Variants in KCNAB1 observed in about 807,000 individuals in gnomAD.
KCNAB1 encodes the protein potassium voltage-gated channel subfamily A regulatory beta subunit 1.
KCNAB1 carries 35 observed loss-of-function variants against 64.6 expected under a neutral mutation model. That is an observed-to-expected ratio of 0.54 (90% CI 0.41 to 0.72). The LOEUF (loss-of-function observed/expected upper bound fraction) is 0.72, where lower values mean the gene tolerates loss of function less well. KCNAB1 is among the 30% of genes least tolerant of loss of function. KCNAB1 has a pLI of 0.00. For missense variants in KCNAB1, 401 were observed against 512.9 expected, an observed-to-expected ratio of 0.78 and a Z score of 2.11; for synonymous variants, 177 against 183.8, an observed-to-expected ratio of 0.96 and a Z score of 0.30.
At chr3:156,205,576 A>T (rs955280940) in intron 1 of KCNAB1, among the ~76,000 whole-genome samples, 39 of 152,122 alleles carry the variant, frequency 2.6e-4, no homozygotes, top group African/African-American at 9.4e-4. Context: ...TCTCCCCTAT[A>T]CATTGGTTGT....
chr3:156,356,933 T>G (rs1273065592), intron 1 of KCNAB1, among the ~76,000 whole-genome samples: 1 of 152,230 alleles, frequency 6.6e-6, no homozygotes, highest in African/African-American at 2.4e-5. Flanking sequence ...GCTCTGTCTT[T>G]CCAGAGTTAC....
At chr3:156,404,820 A>G (rs980933331) in intron 1 of KCNAB1, among the ~76,000 whole-genome samples, 2 of 152,158 alleles carry the variant, frequency 1.3e-5, no homozygotes, top group African/African-American at 4.8e-5. Flanking sequence ...TGGGAGTAGG[A>G]AGGAAGGAGC....
chr3:156,266,318 G>A (rs1489244806), intron 1 of KCNAB1, among the ~76,000 whole-genome samples: 1 of 152,144 alleles, frequency 6.6e-6, no homozygotes, highest in Non-Finnish European at 1.5e-5. Context: ...GCAAAAAACT[G>A]GGGACACACT....
intron 1 of KCNAB1, chr3:156,382,197 T>A (rs75974003): frequency 2.5e-4 from 38 of 152,284 alleles, no homozygotes; most frequent in African/African-American, 8.2e-4. Context: ...AGAACCTGCA[T>A]TTTCAGGCTG....
intron 2 of KCNAB1, among the ~76,000 whole-genome samples, chr3:156,433,585 G>A (rs1489254307): frequency 6.6e-6 from 1 of 152,174 alleles, no homozygotes; most frequent in Non-Finnish European, 1.5e-5. Context: ...GAAGTAGAGA[G>A]GCAGAGAGAT....
intron 1 of KCNAB1, among the ~76,000 whole-genome samples, chr3:156,282,411 G>A (rs1210952323): frequency 7.0e-6 from 1 of 142,844 alleles, no homozygotes. Flanking sequence ...TGGAATAGGT[G>A]TGGTGTGGTG....
chr3:156,277,475 A>G (rs1331748472), intron 1 of KCNAB1, among the ~76,000 whole-genome samples: 1 of 152,200 alleles, frequency 6.6e-6, no homozygotes, highest in Non-Finnish European at 1.5e-5. Flanking sequence ...AGCAAAACAC[A>G]TTAAGATGAG....
At chr3:156,218,246 G>T (rs1242280866) in intron 1 of KCNAB1, among the ~76,000 whole-genome samples, 2 of 152,092 alleles carry the variant, frequency 1.3e-5, no homozygotes, top group African/African-American at 4.8e-5. Context: ...CTGGTGACCC[G>T]TATGACTCAG....
chr3:156,292,006 G>A (rs753866599), intron 1 of KCNAB1: 1 of 1,614,176 alleles, frequency 6.2e-7, no homozygotes, highest in South Asian at 1.1e-5. Flanking sequence ...CCAATGTGGT[G>A]AACGCAGCCC....
intron 8 of KCNAB1, among the ~76,000 whole-genome samples, chr3:156,488,302 AAAAAAAAG>A (rs1460923791): frequency 6.6e-6 from 1 of 151,848 alleles, no homozygotes; most frequent in Non-Finnish European, 1.5e-5. Context: ...CTATAAAAAA[AAAAAAAAG>A]AAAAACTAAA....
At chr3:156,283,797 G>A (rs1405446649) in intron 1 of KCNAB1, among the ~76,000 whole-genome samples, 1 of 152,068 alleles carries the variant, frequency 6.6e-6, no homozygotes, top group Non-Finnish European at 1.5e-5. Context: ...TAGTTCTGGA[G>A]CCTTGGTTTT....
chr3:156,349,500 T>A (rs1485986708), intron 1 of KCNAB1, among the ~76,000 whole-genome samples: 1 of 152,242 alleles, frequency 6.6e-6, no homozygotes, highest in African/African-American at 2.4e-5. Flanking sequence ...TCTACTTTTC[T>A]ATTTTTCTTT....
intron 1 of KCNAB1, among the ~76,000 whole-genome samples, chr3:156,183,568 C>A (rs969215214): frequency 2.0e-5 from 3 of 152,186 alleles, no homozygotes; most frequent in African/African-American, 7.2e-5. Flanking sequence ...GCTCAGCTGT[C>A]CCTAGCAGCT....
chr3:156,262,611 C>T (rs1166156257), intron 1 of KCNAB1, among the ~76,000 whole-genome samples: 3 of 151,788 alleles, frequency 2.0e-5, no homozygotes, highest in Non-Finnish European at 3.0e-5. Flanking sequence ...CATTTATGTT[C>T]ATGAGTGATA....
chr3:156,144,436 TAC>T (rs1272581809), intron 1 of KCNAB1, among the ~76,000 whole-genome samples: 1 of 152,244 alleles, frequency 6.6e-6, no homozygotes, highest in African/African-American at 2.4e-5. Context: ...CAAAGTATTT[TAC>T]ACAGACTCTA....
Position 156,263,199 on chromosome 3 carries a change from TCTTAAGGTGACAG to T in KCNAB1, c.275+142331_275+142343del, listed in dbSNP as rs541354721. Among the ~76,000 whole-genome samples the T allele has an allele frequency of 1.6e-3, 243 of 152,074 alleles. 1 individual carries two copies. Among genetic ancestry groups the T allele is most frequent in the Middle Eastern group, 6.8e-3 (2 of 294 alleles). On this transcript the variant is annotated intron_variant, in intron 1 of 13. Coordinates refer to ENST00000490337, the MANE Select transcript of KCNAB1 (RefSeq NM_172160.3). ...TTACTTTTCACTTTCTTTTTTAGTT[TCTTAAGGTGACAG>T]CTTAAGGTGACAGCTTAGGTTATTG...
At chr3:156,515,295 A>C in intron 10 of KCNAB1, 75 bp downstream of exon 10, 5 of 1,388,142 alleles carry the variant, frequency 3.6e-6, no homozygotes, top group Non-Finnish European at 4.9e-6. Context: ...AAATAAAAAC[A>C]GTGTTATTGA....
chr3:156,501,098 C>T (rs1029562905), intron 8 of KCNAB1, among the ~76,000 whole-genome samples: 2 of 152,184 alleles, frequency 1.3e-5, no homozygotes, highest in African/African-American at 4.8e-5. Context: ...ACCCTCAATA[C>T]AGAACACCAG....
At chr3:156,399,237 C>T (rs943432030) in intron 1 of KCNAB1, among the ~76,000 whole-genome samples, 1 of 152,096 alleles carries the variant, frequency 6.6e-6, no homozygotes, top group South Asian at 2.1e-4. Flanking sequence ...GTGTTTCAGT[C>T]GTGTTAGGTG....
Sources: allele counts gnomAD v4.1 joint callset (sites outside exome capture counted in the v4.1 genomes callset), GRCh38; gene constraint gnomAD v4.1.1; transcripts MANE v1.5; gene names NCBI Gene and HGNC (gene_info 2026-07-23, HGNC 2026-07-21).